TENM3: variants seen among roughly 807,000 people sequenced by gnomAD.
TENM3 encodes the protein teneurin transmembrane protein 3.
A neutral mutation model predicts 255.1 loss-of-function variants in TENM3; 63 were observed. The observed-to-expected ratio is 0.25, with a 90% CI of 0.20 to 0.30. The LOEUF (loss-of-function observed/expected upper bound fraction) is 0.30. Among genes scored for constraint, TENM3 ranks in the 10% least tolerant of loss-of-function variants. The probability of loss-of-function intolerance (pLI) is 1.00; values close to 1 mark genes in which losing one functional copy is unlikely to be tolerated. For synonymous variants in TENM3, 1,306 were observed against 1,322.3 expected, an observed-to-expected ratio of 0.99 and a Z score of 0.27; for missense variants, 2,929 against 3,461.1, an observed-to-expected ratio of 0.85 and a Z score of 3.86.
intron 2 of TENM3, 68 bp from the exon 3 acceptor site, chr4:182,346,583 A>C (rs1330611770): frequency 7.2e-7 from 1 of 1,384,914 alleles, no homozygotes; most frequent in Non-Finnish European, 9.8e-7. Context: ...CTTAAAAAAA[A>C]AAAAAAGAAA....
chr4:182,696,451 G>T (rs1172909332), intron 12 of TENM3, among the ~76,000 whole-genome samples: 1 of 152,208 alleles, frequency 6.6e-6, no homozygotes. Flanking sequence ...ATGGGGCCGG[G>T]CACAGTGGCT....
In TENM3 at chr4:182,150,477, T is replaced by C. The variant is rs555665636; in HGVS notation, c.-76+5723T>C. 8.4e-4 allele frequency among the ~76,000 whole-genome samples: 128 copies of C among 152,180 alleles called. 2 individuals carry two copies. The South Asian group carries it at 0.025, about 30-fold the overall frequency. ...CTGCAGGAGAACCAGAGTATCAGTT[T>C]TTAAATTTAATCCAAGACATTCCAA... On this transcript the variant is annotated intron_variant, in intron 1 of 2. Transcript: ENST00000512480.
intron 22 of TENM3, among the ~76,000 whole-genome samples, chr4:182,756,381 C>G (rs959581678): frequency 1.3e-5 from 2 of 152,048 alleles, no homozygotes; most frequent in Non-Finnish European, 2.9e-5. Flanking sequence ...TCTTGGGAGT[C>G]ACTGAGAATG....
chr4:182,665,522 G>A (rs907538453), intron 6 of TENM3, among the ~76,000 whole-genome samples: 13 of 152,108 alleles, frequency 8.5e-5, no homozygotes, highest in African/African-American at 9.7e-5. Context: ...CTTTCAAGTC[G>A]TATTTAAGAA....
chr4:182,623,901 A>T (rs1305138003), intron 4 of TENM3, among the ~76,000 whole-genome samples: 1 of 152,182 alleles, frequency 6.6e-6, no homozygotes, highest in Non-Finnish European at 1.5e-5. Context: ...CATAGAAGTA[A>T]TTCCGCTTCT....
chr4:182,499,858 C>T (rs776723202), intron 3 of TENM3, among the ~76,000 whole-genome samples: 9 of 152,110 alleles, frequency 5.9e-5, no homozygotes, highest in Non-Finnish European at 8.8e-5. Flanking sequence ...TTCTTTATAA[C>T]ATTTACAGAC....
chr4:182,213,900 C>G (rs1317391461), intron 1 of TENM3, among the ~76,000 whole-genome samples: 3 of 151,988 alleles, frequency 2.0e-5, no homozygotes, highest in Non-Finnish European at 2.9e-5. Flanking sequence ...CTCCTGGGTT[C>G]ACGCCATTCT....
At chr4:182,628,068 G>A (rs1034800424) in intron 4 of TENM3, among the ~76,000 whole-genome samples, 2 of 152,122 alleles carry the variant, frequency 1.3e-5, no homozygotes, top group Admixed American at 6.5e-5. Flanking sequence ...AGTTTGCATC[G>A]TTTGAGAACT....
the TENM3 span, among the ~76,000 whole-genome samples, chr4:181,706,863 A>G: frequency 1.1e-4 from 16 of 152,162 alleles, no homozygotes; most frequent in Non-Finnish European, 2.4e-4. Context: ...GACATTTGTT[A>G]GCTCATTTCT....
the TENM3 span, among the ~76,000 whole-genome samples, chr4:181,654,418 C>T: frequency 6.6e-6 from 1 of 152,120 alleles, no homozygotes. Flanking sequence ...TGTAAAATGG[C>T]ATGATGTATT....
chr4:182,634,323 G>T (rs1339276485), intron 5 of TENM3, among the ~76,000 whole-genome samples: 3 of 150,072 alleles, frequency 2.0e-5, no homozygotes, highest in Non-Finnish European at 4.4e-5. Context: ...TGTTAGAAAA[G>T]TAGCCATAAC....
At chr4:182,224,957 C>T (rs1220802765) in intron 1 of TENM3, among the ~76,000 whole-genome samples, 1 of 152,084 alleles carries the variant, frequency 6.6e-6, no homozygotes, top group Admixed American at 6.6e-5. Context: ...TGGTCTCGAA[C>T]TCCTGATCTC....
the TENM3 span, among the ~76,000 whole-genome samples, chr4:181,507,209 T>C: frequency 2.0e-5 from 3 of 152,222 alleles, no homozygotes; most frequent in Admixed American, 1.3e-4. Flanking sequence ...GATTCATCTC[T>C]ATCCCACAGA....
intron 3 of TENM3, among the ~76,000 whole-genome samples, chr4:182,401,112 TGGA>T (rs33973483): frequency 0.037 from 5,592 of 152,226 alleles, 347 homozygotes; most frequent in African/African-American, 0.13. Flanking sequence ...TCTCTCAGCT[TGGA>T]GTTTTTTTCC....
chr4:182,052,420 T>C, the TENM3 span, among the ~76,000 whole-genome samples: 1 of 152,064 alleles, frequency 6.6e-6, no homozygotes, highest in Non-Finnish European at 1.5e-5. Flanking sequence ...GAAATGGGCT[T>C]CGGGACCACA....
the TENM3 span, among the ~76,000 whole-genome samples, chr4:181,578,798 C>T: frequency 6.6e-6 from 1 of 152,084 alleles, no homozygotes; most frequent in Non-Finnish European, 1.5e-5. Context: ...ATAAGGACAC[C>T]AGTTATGTTG....
rs1446252675 is a variant in TENM3 at position 182,538,235 on chromosome 4, AGAG to A, written c.512-62687_512-62685del. 8.5e-5 allele frequency among the ~76,000 whole-genome samples: 13 copies of A among 152,332 alleles called. 1 individual carries two copies. The highest frequency in any genetic ancestry group is 3.4e-3 in the Middle Eastern group (1 of 294). On this transcript the variant is annotated intron_variant, in intron 3 of 27. Coordinates refer to ENST00000511685, the MANE Select transcript of TENM3 (RefSeq NM_001080477.4). ...ATTAACAATTATTTATGGAGTTCCC[AGAG>A]GCACAAGGCATTTGGCTAAATGCTT...
the TENM3 span, among the ~76,000 whole-genome samples, chr4:181,483,069 T>C: frequency 6.6e-6 from 1 of 152,028 alleles, no homozygotes; most frequent in Non-Finnish European, 1.5e-5. Flanking sequence ...ACTACAGCTG[T>C]GAGTGGATAA....
chr4:182,679,921 A>G, intron 8 of TENM3, 45 bp downstream of exon 8: 1 of 1,504,760 alleles, frequency 6.6e-7, no homozygotes, highest in South Asian at 1.2e-5. Flanking sequence ...TATAGCCTAA[A>G]CGCCGTGTTT....
Sources: allele counts gnomAD v4.1 joint callset (sites outside exome capture counted in the v4.1 genomes callset), GRCh38; gene constraint gnomAD v4.1.1; transcripts MANE v1.5; gene names NCBI Gene and HGNC (gene_info 2026-07-23, HGNC 2026-07-21).